USP34: variants seen among roughly 807,000 people sequenced by gnomAD.
USP34 encodes ubiquitin carboxyl-terminal hydrolase 34.
USP34 carries 70 observed loss-of-function variants against 460.3 expected under a neutral mutation model. The observed-to-expected ratio is 0.15, with a 90% confidence interval of 0.13 to 0.19. The LOEUF (loss-of-function observed/expected upper bound fraction) is 0.19, where lower values mean the gene tolerates loss of function less well. Ranked by LOEUF, USP34 falls within the 10% of genes least tolerant of loss-of-function variation. The pLI, the probability that USP34 is intolerant of heterozygous loss-of-function variation, is 1.00. For missense variants in USP34, 3,985 were observed against 4,236.2 expected, an observed-to-expected ratio of 0.94 and a Z score of 1.65; for synonymous variants, 1,647 against 1,405.3, an observed-to-expected ratio of 1.17 and a Z score of -3.85.
At chr2:61,362,315 C>A (rs1265130624) in intron 10 of USP34, among the ~76,000 whole-genome samples, 1 of 152,082 alleles carries the variant, frequency 6.6e-6, no homozygotes, top group African/African-American at 2.4e-5. Context: ...GGATACATAT[C>A]CAAAGGAAAT....
chr2:61,426,563 A>C (rs1312273441), intron 1 of USP34, among the ~76,000 whole-genome samples: 1 of 152,204 alleles, frequency 6.6e-6, no homozygotes, highest in Non-Finnish European at 1.5e-5. Context: ...CTCAGCCACA[A>C]TACAAAAAGT....
intron 43 of USP34, among the ~76,000 whole-genome samples, chr2:61,263,767 C>T (rs1688967083): frequency 6.6e-6 from 1 of 152,160 alleles, no homozygotes; most frequent in Admixed American, 6.5e-5. Context: ...CAGGCGTGAG[C>T]CACCACACCC....
chr2:61,378,890 G>C (rs1301450015), intron 7 of USP34, among the ~76,000 whole-genome samples: 1 of 113,922 alleles, frequency 8.8e-6, no homozygotes, highest in Non-Finnish European at 1.7e-5. Flanking sequence ...GGGCGACAGA[G>C]TGAGAGTCCA....
At chr2:61,268,438 TAAAAAAAAAAAAAAAA>T (rs35618230) in intron 41 of USP34, among the ~76,000 whole-genome samples, 1 of 53,376 alleles carries the variant, frequency 1.9e-5, no homozygotes, top group South Asian at 8.6e-4. Flanking sequence ...GAGCTGTTGT[TAAAAAAAAAAAAAAAA>T]AAAAAAAAAA....
chr2:61,452,594 G>T (rs556378687), intron 1 of USP34, among the ~76,000 whole-genome samples: 1 of 151,774 alleles, frequency 6.6e-6, no homozygotes, highest in Non-Finnish European at 1.5e-5. Context: ...CAAAGTGCTG[G>T]CATTACAGGC....
chr2:61,192,863 A>G, intron 76 of USP34, 38 bp downstream of exon 76: 1 of 1,550,332 alleles, frequency 6.5e-7, no homozygotes, highest in African/African-American at 1.4e-5. Flanking sequence ...TGGTCAGATA[A>G]GATTAAAGAC....
At chr2:61,283,884 TGAA>T (rs1388801444) in intron 35 of USP34, among the ~76,000 whole-genome samples, 1 of 139,616 alleles carries the variant, frequency 7.2e-6, no homozygotes, top group African/African-American at 2.7e-5. Context: ...TCAAACTCAT[TGAA>T]GAAGAGAGTA....
intron 8 of USP34, among the ~76,000 whole-genome samples, chr2:61,375,043 G>A (rs1233989636): frequency 6.6e-6 from 1 of 152,168 alleles, no homozygotes; most frequent in Non-Finnish European, 1.5e-5. Flanking sequence ...AGAACAGTCT[G>A]TAGTACAGAC....
intron 27 of USP34, among the ~76,000 whole-genome samples, chr2:61,306,027 A>ATAAACTACAGAAT: frequency 6.6e-6 from 1 of 152,242 alleles, no homozygotes; most frequent in East Asian, 1.9e-4. Flanking sequence ...CCCATTCTGT[A>ATAAACTACAGAAT]GGTTGCCTGT....
intron 27 of USP34, among the ~76,000 whole-genome samples, chr2:61,310,612 CAT>C (rs982117524): frequency 2.7e-5 from 4 of 149,838 alleles, no homozygotes; most frequent in African/African-American, 7.3e-5. Flanking sequence ...AGATAAGAAA[CAT>C]ATATATTAAA....
Position 61,390,286 on chromosome 2 carries a change from A to G in USP34, c.753+4567T>C, listed in dbSNP as rs577650346. On this transcript the variant is annotated intron_variant, in intron 5 of 79. Coordinates refer to ENST00000398571, the MANE Select transcript of USP34 (RefSeq NM_014709.4). Reference sequence around the variant, plus strand: ...TGTATGAAATGACAAACTCTGGCAAAGAGCTGAGGGCTGAGGAAGGATACT... The same window carrying G: ...TGTATGAAATGACAAACTCTGGCAAGGAGCTGAGGGCTGAGGAAGGATACT... Among the ~76,000 whole-genome samples the G allele has an allele frequency of 2.1e-3, 313 of 152,340 alleles. 2 individuals are homozygous for G. The highest frequency in any genetic ancestry group is 6.7e-3 in the African/African-American group (279 of 41,580).
chr2:61,317,585 T>G (rs1690790653), intron 23 of USP34, 69 bp downstream of exon 23: 7 of 1,389,018 alleles, frequency 5.0e-6, no homozygotes, highest in Non-Finnish European at 3.0e-6. Context: ...GAAAAATAAT[T>G]TGGAAACCGA....
At chr2:61,391,522 A>G (rs1405730178) in intron 5 of USP34, among the ~76,000 whole-genome samples, 2 of 152,200 alleles carry the variant, frequency 1.3e-5, no homozygotes, top group African/African-American at 4.8e-5. Context: ...TTTTCTTTAC[A>G]AACGGCTGCC....
intron 18 of USP34, among the ~76,000 whole-genome samples, chr2:61,337,182 G>T (rs1459081367): frequency 1.3e-5 from 2 of 152,082 alleles, no homozygotes; most frequent in Non-Finnish European, 2.9e-5. Flanking sequence ...CAACCACTCA[G>T]GGTAGCTATT....
chr2:61,221,644 C>G (rs1687590015), intron 65 of USP34, 38 bp from the exon 66 acceptor site: 4 of 1,572,038 alleles, frequency 2.5e-6, no homozygotes, highest in East Asian at 4.5e-5. Flanking sequence ...TTAGATCAAT[C>G]TGAACCCATC....
intron 33 of USP34, among the ~76,000 whole-genome samples, chr2:61,290,196 T>C (rs1689809400): frequency 6.6e-6 from 1 of 152,152 alleles, no homozygotes; most frequent in Non-Finnish European, 1.5e-5. Flanking sequence ...TAAAACCCTG[T>C]TCATATCAAC....
chr2:61,441,177 T>C lies in USP34; in HGVS notation c.44-20344A>G, dbSNP rs796474097. On this transcript the variant is annotated intron_variant, in intron 1 of 79. Coordinates refer to ENST00000398571, the MANE Select transcript of USP34 (RefSeq NM_014709.4). The stretch of plus-strand genomic sequence containing the variant: ...TTTTTGGACTCAGAGTCTTGCTCTG[T>C]GGCCCAGGCTAGAGTGTACTTGCGA... Among the ~76,000 whole-genome samples, 9 of 150,548 alleles carry C rather than the reference T, an allele frequency of 6.0e-5. 1 individual carries two copies. Among genetic ancestry groups the C allele is most frequent in the African/African-American group, 2.0e-4 (8 of 40,940 alleles).
rs1694078396 is a variant in USP34, at chr2:61,412,826, C to A, written c.132-6698G>T. 2.7e-5 allele frequency among the ~76,000 whole-genome samples: 4 copies of A among 150,196 alleles called. No homozygotes were observed. The South Asian group carries it at 8.4e-4, about 32-fold the overall frequency. The stretch of plus-strand genomic sequence containing the variant: ...ATCACTTGAGCCCAGGAAGTCGAGG[C>A]CGCAGTGAGCCATCATAACGCCACT... On this transcript the variant is annotated intron_variant, in intron 2 of 79. Coordinates refer to ENST00000398571, the MANE Select transcript of USP34 (RefSeq NM_014709.4).
chr2:61,314,083 G>C (rs142675216), intron 25 of USP34, among the ~76,000 whole-genome samples: 1 of 151,378 alleles, frequency 6.6e-6, no homozygotes, highest in East Asian at 1.9e-4. Flanking sequence ...TAATTATACA[G>C]ATATTCATTA....
Sources: allele counts gnomAD v4.1 joint callset (sites outside exome capture counted in the v4.1 genomes callset), GRCh38; gene constraint gnomAD v4.1.1; transcripts MANE v1.5; gene names NCBI Gene and HGNC (gene_info 2026-07-23, HGNC 2026-07-21).